OPCML: variants seen among roughly 807,000 people sequenced by gnomAD.
OPCML encodes the protein opioid-binding protein/cell adhesion molecule.
Under a neutral mutation model 37.8 loss-of-function variants are expected in OPCML, and 13 were observed. The observed-to-expected ratio is 0.34, with a 90% CI of 0.22 to 0.55. The LOEUF (loss-of-function observed/expected upper bound fraction) is 0.55. Ranked by LOEUF, OPCML falls within the 20% of genes least tolerant of loss-of-function variation. The pLI is 0.91. For synonymous variants in OPCML, 176 were observed against 168.8 expected, an observed-to-expected ratio of 1.04 and a Z score of -0.33; for missense variants, 341 against 435.6, an observed-to-expected ratio of 0.78 and a Z score of 1.93.
rs757647959 is a variant in OPCML at position 132,943,078 on chromosome 11, C to G, written c.62-68G>C. The G allele has an allele frequency of 6.2e-7, 1 of 1,614,126 alleles. No individual in the cohort carries two copies. Among genetic ancestry groups the G allele is most frequent in the Non-Finnish European group, 8.5e-7 (1 of 1,180,000 alleles). On this transcript the variant is annotated intron_variant, in intron 1 of 7. Transcript: ENST00000524381. This position sits in a 1 kb window ranked among gnomAD's most constrained non-coding sequence, Gnocchi z 4.3. ...GGCACTTCCAGGGCAGGAACAGGTACCCACAGACCCCCATTCTCGACAGCC... is the reference window on the plus strand; with the variant it reads ...GGCACTTCCAGGGCAGGAACAGGTAGCCACAGACCCCCATTCTCGACAGCC...
chr11:132,534,140 A>C (rs958729025), intron 3 of OPCML, among the ~76,000 whole-genome samples: 1 of 151,228 alleles, frequency 6.6e-6, no homozygotes, highest in Non-Finnish European at 1.5e-5. Context: ...CACATGTGTA[A>C]TTTTTTTTTC....
At chr11:132,521,843 T>A (rs2096294675) in intron 4 of OPCML, among the ~76,000 whole-genome samples, 1 of 152,232 alleles carries the variant, frequency 6.6e-6, no homozygotes, top group Non-Finnish European at 1.5e-5. Flanking sequence ...TGGATTTCAC[T>A]AGTTTTTGCA....
At chr11:133,489,710 T>C (rs1296998317) in intron 1 of OPCML, among the ~76,000 whole-genome samples, 2 of 152,088 alleles carry the variant, frequency 1.3e-5, no homozygotes, top group African/African-American at 4.8e-5. Flanking sequence ...AAATAAATCA[T>C]TATTTCAAAA....
At chr11:132,841,860 CAAAAAAAA>C (rs71067402) in intron 2 of OPCML, among the ~76,000 whole-genome samples, 48 of 34,690 alleles carry the variant, frequency 1.4e-3, no homozygotes, top group East Asian at 9.0e-3. Context: ...CACTCTATCT[CAAAAAAAA>C]AAAAAAAAAA....
chr11:133,421,009 C>G (rs1483537729), intron 1 of OPCML: 1 of 985,264 alleles, frequency 1.0e-6, no homozygotes, highest in East Asian at 1.1e-4. Context: ...TAGAATTAAA[C>G]TAAAATAGGA....
Position 132,943,586 on chromosome 11 carries a change from G to C in OPCML, c.62-576C>G, listed in dbSNP as rs185415564. ...AAGGAGAGGAGGAAATGGTTTATTA[G>C]ATCACACACATGGACAGATGTACGT... is the stretch of plus-strand genomic sequence containing the variant. On this transcript the variant is annotated intron_variant, in intron 1 of 7. Coordinates refer to ENST00000524381, the MANE Select transcript of OPCML (RefSeq NM_001012393.5). The surrounding 1 kb of genome is among the most constrained non-coding windows in gnomAD (Gnocchi z 4.3). 31 of 175,882 alleles carry C rather than the reference G, an allele frequency of 1.8e-4. No individual in the cohort carries two copies. Among genetic ancestry groups the C allele is most frequent in the Admixed American group, 7.5e-4 (14 of 18,586 alleles). The allele number at this position is 175,882 out of a possible 1,614,324, so 10.9% of individuals were successfully genotyped here. A position where few individuals can be genotyped will look rare whatever the true frequency, so the allele number is the denominator to read the frequency against.
intron 2 of OPCML, among the ~76,000 whole-genome samples, chr11:132,789,352 A>G (rs1479102324): frequency 6.6e-6 from 1 of 152,370 alleles, no homozygotes; most frequent in Middle Eastern, 3.4e-3. Flanking sequence ...ACAGAAAGTT[A>G]TAACATGAAA....
chr11:132,505,815 G>A (rs1019007854), intron 4 of OPCML, among the ~76,000 whole-genome samples: 7 of 151,672 alleles, frequency 4.6e-5, no homozygotes, highest in African/African-American at 7.3e-5. Context: ...GCCAACACAC[G>A]TGGAACTAAG....
intron 1 of OPCML, among the ~76,000 whole-genome samples, chr11:133,332,555 T>C (rs1391418019): frequency 6.6e-6 from 1 of 152,214 alleles, no homozygotes; most frequent in African/African-American, 2.4e-5. Context: ...CTTTTGCCCA[T>C]TCAGTAAAAT....
rs138325610 is a variant in OPCML at position 132,530,398 on chromosome 11, G to A, written c.380-1212C>T. Among the ~76,000 whole-genome samples, 523 of 151,884 alleles carry A rather than the reference G, an allele frequency of 3.4e-3. 4 individuals are homozygous for A. The highest frequency in any genetic ancestry group is 0.012 in the African/African-American group (505 of 41,404). ...CTGGTTGTTTCTCACCAATTTTCAC[G>A]GAGATAATTGCAATAGCCTCCCACC... On this transcript the variant is annotated intron_variant, in intron 3 of 7. Coordinates refer to ENST00000524381, the MANE Select transcript of OPCML (RefSeq NM_001012393.5).
At chr11:132,904,066 T>C (rs1221021903) in intron 2 of OPCML, among the ~76,000 whole-genome samples, 4 of 152,212 alleles carry the variant, frequency 2.6e-5, no homozygotes, top group African/African-American at 9.6e-5. Context: ...TTGAAAGTTT[T>C]GCCATGGGCT....
intron 2 of OPCML, among the ~76,000 whole-genome samples, chr11:132,686,548 A>C (rs932642123): frequency 6.6e-6 from 1 of 152,212 alleles, no homozygotes; most frequent in African/African-American, 2.4e-5. Context: ...CCTCTTATGC[A>C]AATAGTTTCA....
chr11:133,481,135 T>C (rs1947362354), intron 1 of OPCML, among the ~76,000 whole-genome samples: 1 of 152,114 alleles, frequency 6.6e-6, no homozygotes, highest in South Asian at 2.1e-4. Context: ...GACTGTGAAG[T>C]TGTAACACAA....
rs549764770 is a variant in OPCML, at chr11:133,488,878, T to C, written c.61+43386A>G. ...TTGTACTGACATAAAAATACACACA[T>C]AGATCAATGGGACAGAAGAGAGAAC... On this transcript the variant is annotated intron_variant, in intron 1 of 7. Coordinates refer to ENST00000524381, the MANE Select transcript of OPCML (RefSeq NM_001012393.5). 9.9e-5 allele frequency among the ~76,000 whole-genome samples: 15 copies of C among 150,884 alleles called. 1 individual carries two copies. In the East Asian group the frequency reaches 3.0e-3, roughly 30 times the overall value.
At chr11:132,478,479 T>C (rs184338130) in intron 4 of OPCML, among the ~76,000 whole-genome samples, 23 of 152,280 alleles carry the variant, frequency 1.5e-4, no homozygotes, top group Admixed American at 7.2e-4. Context: ...CAACACATCC[T>C]TAACATGAGC....
intron 1 of OPCML, among the ~76,000 whole-genome samples, chr11:132,952,913 C>T (rs556455225): frequency 6.6e-6 from 1 of 152,134 alleles, no homozygotes; most frequent in South Asian, 2.1e-4. Flanking sequence ...GCAAACAAAA[C>T]AACAAAAATA....
At chr11:133,310,835 C>T (rs1032296525) in intron 1 of OPCML, among the ~76,000 whole-genome samples, 2 of 152,166 alleles carry the variant, frequency 1.3e-5, no homozygotes, top group African/African-American at 2.4e-5. Flanking sequence ...CTTGTGCTAC[C>T]CAGCACTTCC....
intron 2 of OPCML, among the ~76,000 whole-genome samples, chr11:132,827,496 T>C (rs555174701): frequency 6.6e-6 from 1 of 152,206 alleles, no homozygotes; most frequent in Non-Finnish European, 1.5e-5. Flanking sequence ...GGGAAACAAT[T>C]TGACAGTCTT....
chr11:132,633,990 C>T (rs539479460), intron 3 of OPCML, among the ~76,000 whole-genome samples: 29 of 152,252 alleles, frequency 1.9e-4, no homozygotes, highest in Admixed American at 1.5e-3. Flanking sequence ...TGGCTTGGAC[C>T]ATCACAGTCA....
Sources: allele counts gnomAD v4.1 joint callset (sites outside exome capture counted in the v4.1 genomes callset), GRCh38; gene constraint gnomAD v4.1.1; non-coding constraint Gnocchi (gnomAD v3.1); transcripts MANE v1.5; gene names NCBI Gene and HGNC (gene_info 2026-07-23, HGNC 2026-07-21).